FAM184B: variants seen among roughly 807,000 people sequenced by gnomAD.
The protein encoded by FAM184B is protein FAM184B.
Under a neutral mutation model 135.9 loss-of-function variants are expected in FAM184B, and 111 were observed. That is an observed-to-expected ratio of 0.82 (90% confidence interval 0.70 to 0.96). FAM184B has a LOEUF of 0.96. Ranked by LOEUF, FAM184B falls within the 40% of genes least tolerant of loss-of-function variation. FAM184B has a pLI of 0.00. For synonymous variants in FAM184B, 552 were observed against 524.8 expected (o/e 1.05, Z -0.71); for missense variants, 1,375 against 1,323.9 (o/e 1.04, Z -0.60).
At chr4:17,724,064 G>A (rs1392601923) in intron 1 of FAM184B, among the ~76,000 whole-genome samples, 6 of 151,780 alleles carry the variant, frequency 4.0e-5, no homozygotes. Flanking sequence ...TTGTACCCCT[G>A]AAGCTAATGA....
intron 1 of FAM184B, among the ~76,000 whole-genome samples, chr4:17,714,040 C>T (rs956508527): frequency 7.9e-5 from 12 of 152,238 alleles, no homozygotes; most frequent in African/African-American, 2.2e-4. Flanking sequence ...GGTGGCCAAT[C>T]CCCTTTTCCA....
In FAM184B at chr4:17,651,334, G is replaced by A. The variant is rs191470279; in HGVS notation, c.2191+1496C>T. On this transcript the variant is annotated intron_variant, in intron 11 of 17. Transcript: ENST00000265018. ...GGGTGGATCACGAGGTCAGGAGATC[G>A]AGACCATCCTGGCTAACACGGTGAA... Among the ~76,000 whole-genome samples the A allele has an allele frequency of 1.4e-3, 207 of 151,990 alleles. 1 individual carries two copies. Among genetic ancestry groups the A allele is most frequent in the Middle Eastern group, 0.01 (3 of 294 alleles).
intron 7 of FAM184B, among the ~76,000 whole-genome samples, chr4:17,674,367 G>A (rs1056783131): frequency 1.1e-4 from 16 of 152,080 alleles, no homozygotes; most frequent in African/African-American, 3.4e-4. Context: ...ATAATCTTAT[G>A]TCTAAAAATA....
chr4:17,719,524 G>A (rs1717471865), intron 1 of FAM184B, among the ~76,000 whole-genome samples: 1 of 152,186 alleles, frequency 6.6e-6, no homozygotes. Flanking sequence ...GATATTTCAA[G>A]TACTTTGCTA....
At chr4:17,772,279 C>T (rs781365901) in intron 1 of FAM184B, among the ~76,000 whole-genome samples, 1 of 152,128 alleles carries the variant, frequency 6.6e-6, no homozygotes, top group Non-Finnish European at 1.5e-5. Context: ...AGACTATTCT[C>T]CACTACATCT....
intron 11 of FAM184B, among the ~76,000 whole-genome samples, chr4:17,650,660 C>T (rs1715590525): frequency 6.6e-6 from 1 of 152,192 alleles, no homozygotes; most frequent in South Asian, 2.1e-4. Context: ...AGCCTGGGTT[C>T]TATCTTTACA....
intron 7 of FAM184B, among the ~76,000 whole-genome samples, chr4:17,666,968 T>C (rs745909710): frequency 6.6e-6 from 1 of 151,972 alleles, no homozygotes; most frequent in Non-Finnish European, 1.5e-5. Context: ...TTTTTGTTTT[T>C]TGTTTTGTTT....
chr4:17,762,749 T>A (rs948094071), intron 1 of FAM184B, among the ~76,000 whole-genome samples: 8 of 152,242 alleles, frequency 5.3e-5, no homozygotes, highest in African/African-American at 1.7e-4. Context: ...AAAATGCCTA[T>A]AAGACACCTC....
intron 1 of FAM184B, among the ~76,000 whole-genome samples, chr4:17,745,698 C>G (rs1027386900): frequency 1.3e-5 from 2 of 152,202 alleles, no homozygotes; most frequent in Non-Finnish European, 2.9e-5. Flanking sequence ...TCTTGTACAT[C>G]TAAATTCTTC....
intron 1 of FAM184B, among the ~76,000 whole-genome samples, chr4:17,712,925 G>A (rs187793742): frequency 1.3e-3 from 205 of 152,314 alleles, no homozygotes; most frequent in African/African-American, 4.5e-3. Flanking sequence ...CGGCCAGATG[G>A]CACCACTAGA....
chr4:17,665,034 C>A (rs1716014043), intron 7 of FAM184B, among the ~76,000 whole-genome samples: 1 of 152,136 alleles, frequency 6.6e-6, no homozygotes, highest in Admixed American at 6.5e-5. Flanking sequence ...AACTCTTGAC[C>A]ACTTCCTGGT....
intron 1 of FAM184B, among the ~76,000 whole-genome samples, chr4:17,720,116 G>T (rs1717485262): frequency 6.6e-6 from 1 of 152,008 alleles, no homozygotes; most frequent in South Asian, 2.1e-4. Flanking sequence ...TTTCCTTGGG[G>T]TCTCACTCAA....
intron 7 of FAM184B, among the ~76,000 whole-genome samples, chr4:17,666,454 C>T (rs1716050273): frequency 7.0e-6 from 1 of 143,082 alleles, no homozygotes; most frequent in African/African-American, 2.6e-5. Context: ...CAGGTGCATG[C>T]CACTGTGCCT....
chr4:17,654,739 G>A (rs998447511), intron 10 of FAM184B, among the ~76,000 whole-genome samples: 4 of 152,184 alleles, frequency 2.6e-5, no homozygotes, highest in South Asian at 2.1e-4. Flanking sequence ...CAAACCCAGC[G>A]GGTCATGTGG....
intron 5 of FAM184B, among the ~76,000 whole-genome samples, chr4:17,701,897 C>T (rs568496842): frequency 6.6e-6 from 1 of 152,278 alleles, no homozygotes; most frequent in East Asian, 1.9e-4. Flanking sequence ...GACTAGGGAG[C>T]ACTTGAAATG....
intron 7 of FAM184B, among the ~76,000 whole-genome samples, chr4:17,668,640 C>T (rs1716105332): frequency 6.6e-6 from 1 of 152,196 alleles, no homozygotes; most frequent in Non-Finnish European, 1.5e-5. Context: ...TCAAGTGAGT[C>T]TCCTGCCTCA....
At chr4:17,777,789 A>G (rs970075763) in intron 1 of FAM184B, among the ~76,000 whole-genome samples, 5 of 152,238 alleles carry the variant, frequency 3.3e-5, no homozygotes, top group Non-Finnish European at 2.9e-5. Flanking sequence ...CAATATTGCA[A>G]GAGAAAATCA....
At chr4:17,658,637 C>A in intron 9 of FAM184B, 75 bp from the exon 10 acceptor site, 1 of 1,388,344 alleles carries the variant, frequency 7.2e-7, no homozygotes, top group South Asian at 1.3e-5. Flanking sequence ...TAAAAGCTTT[C>A]TAAATGTTAC....
intron 1 of FAM184B, among the ~76,000 whole-genome samples, chr4:17,766,090 T>C (rs1331965468): frequency 6.6e-6 from 1 of 152,172 alleles, no homozygotes; most frequent in African/African-American, 2.4e-5. Context: ...CACAGGAAGA[T>C]TTATTACAAA....
Sources: gnomAD v4.1 joint callset for allele counts (sites outside exome capture counted in the v4.1 genomes callset) on GRCh38, gnomAD v4.1.1 for gene constraint, MANE v1.5 for transcripts, NCBI Gene and HGNC (gene_info 2026-07-23, HGNC 2026-07-21) for gene names.